Variants in MAD1L1 observed in about 807,000 individuals in gnomAD.
MAD1L1 encodes the protein mitotic arrest deficient 1 like 1.
In MAD1L1, 95 loss-of-function variants were observed where a neutral mutation model predicts 96.9. The observed-to-expected ratio is 0.98, with a 90% CI of 0.83 to 1.16. The LOEUF (loss-of-function observed/expected upper bound fraction) is 1.16. Ranked by LOEUF, MAD1L1 falls within the 50% of genes most tolerant of loss-of-function variation. The probability of loss-of-function intolerance (pLI) is 0.00; values close to 1 mark genes in which losing one functional copy is unlikely to be tolerated. For missense variants in MAD1L1, 1,007 were observed against 954.4 expected (o/e 1.06, Z -0.73); for synonymous variants, 473 against 396.6 (o/e 1.19, Z -2.29).
chr7:1,930,700 G>T (rs567011709), intron 17 of MAD1L1, among the ~76,000 whole-genome samples: 23 of 151,432 alleles, frequency 1.5e-4, no homozygotes, highest in African/African-American at 5.6e-4. Flanking sequence ...GCTGACCCCC[G>T]AGATGCTGGG....
intron 15 of MAD1L1, among the ~76,000 whole-genome samples, chr7:1,977,817 C>T (rs1296833969): frequency 5.9e-5 from 9 of 152,244 alleles, no homozygotes; most frequent in South Asian, 2.1e-4. Context: ...AGCCGTGCAG[C>T]GTGACGCAGG....
chr7:1,935,106 G>A (rs1301002002), intron 17 of MAD1L1, among the ~76,000 whole-genome samples: 1 of 152,254 alleles, frequency 6.6e-6, no homozygotes, highest in African/African-American at 2.4e-5. Context: ...CAAGGCACAG[G>A]CCCGTGACAG....
At chr7:1,940,965 C>T (rs1338044535) in intron 16 of MAD1L1, among the ~76,000 whole-genome samples, 1 of 58,304 alleles carries the variant, frequency 1.7e-5, no homozygotes, top group Non-Finnish European at 4.6e-5. Context: ...CCTCCCCCCG[C>T]AGGCCTCACC....
intron 10 of MAD1L1, among the ~76,000 whole-genome samples, chr7:2,190,717 G>C (rs948427760): frequency 6.6e-6 from 1 of 152,186 alleles, no homozygotes; most frequent in Non-Finnish European, 1.5e-5. Context: ...AACATCATTA[G>C]TCACCAGGGC....
intron 12 of MAD1L1, among the ~76,000 whole-genome samples, chr7:2,054,469 T>C (rs1289632584): frequency 6.6e-6 from 1 of 152,128 alleles, no homozygotes; most frequent in African/African-American, 2.4e-5. Context: ...CACAGCCAGG[T>C]CCAGCTCCCT....
chr7:2,168,283 A>C (rs1248512706), intron 10 of MAD1L1, among the ~76,000 whole-genome samples: 1 of 142,842 alleles, frequency 7.0e-6, no homozygotes, highest in East Asian at 1.9e-4. Flanking sequence ...AGACTGTCTA[A>C]AAAAAGAAAA....
chr7:1,989,691 G>A (rs993716121), intron 14 of MAD1L1, among the ~76,000 whole-genome samples: 18 of 151,884 alleles, frequency 1.2e-4, no homozygotes, highest in Admixed American at 3.9e-4. Context: ...CAGCCTCAGC[G>A]TGGACCAGCC....
intron 18 of MAD1L1, among the ~76,000 whole-genome samples, chr7:1,823,552 C>T (rs930064028): frequency 6.6e-6 from 1 of 152,172 alleles, no homozygotes; most frequent in African/African-American, 2.4e-5. Flanking sequence ...GTGACTGCAG[C>T]GTCTTAACCC....
intron 18 of MAD1L1, among the ~76,000 whole-genome samples, chr7:1,853,140 G>T (rs890641117): frequency 1.4e-4 from 21 of 152,218 alleles, no homozygotes; most frequent in Non-Finnish European, 2.9e-4. Flanking sequence ...AGACCCCAAG[G>T]ATGTACAGGA....
chr7:2,042,058 C>G (rs750642332), intron 12 of MAD1L1, among the ~76,000 whole-genome samples: 1 of 151,948 alleles, frequency 6.6e-6, no homozygotes, highest in Non-Finnish European at 1.5e-5. Context: ...CACAGACACA[C>G]AGATGCACGT....
chr7:2,184,928 G>A (rs1423394484), intron 10 of MAD1L1, among the ~76,000 whole-genome samples: 3 of 152,170 alleles, frequency 2.0e-5, no homozygotes, highest in African/African-American at 4.8e-5. Context: ...CTCGAACCCA[G>A]GAGGCGGAGG....
chr7:2,096,993 G>A (rs1786527123), intron 11 of MAD1L1, among the ~76,000 whole-genome samples: 1 of 152,188 alleles, frequency 6.6e-6, no homozygotes, highest in Admixed American at 6.5e-5. Context: ...GACCCTGCCA[G>A]GCACAGAAAG....
rs555028090 is a variant in MAD1L1 at position 1,942,267 on chromosome 7, GCC to G, written c.1597-5372_1597-5371del. ...TCAGCAAGTGGAGGGGACATTCCCGGCCCCTCCAGAAGGAGGCCACGCCTGAG... is the reference window on the plus strand; with the variant it reads ...TCAGCAAGTGGAGGGGACATTCCCGGCCTCCAGAAGGAGGCCACGCCTGAG... On this transcript the variant is annotated intron_variant, in intron 16 of 18. Transcript: ENST00000265854. Among the ~76,000 whole-genome samples, 954 of 152,258 alleles carry G rather than the reference GCC, an allele frequency of 6.3e-3. 3 individuals carry two copies. The highest frequency in any genetic ancestry group is 0.011 in the Non-Finnish European group (745 of 68,002).
At chr7:1,941,101 G>A (rs540377397) in intron 16 of MAD1L1, among the ~76,000 whole-genome samples, 12 of 142,464 alleles carry the variant, frequency 8.4e-5, no homozygotes, top group African/African-American at 2.1e-4. Context: ...GCAAGGCCTC[G>A]CCTGGCCCCA....
intron 18 of MAD1L1, among the ~76,000 whole-genome samples, chr7:1,891,511 C>G (rs1330198389): frequency 6.7e-6 from 1 of 150,266 alleles, no homozygotes; most frequent in Non-Finnish European, 1.5e-5. Flanking sequence ...GGTGACAGAA[C>G]AAGACTCTGT....
intron 14 of MAD1L1, among the ~76,000 whole-genome samples, chr7:1,984,623 C>T (rs781745804): frequency 2.0e-5 from 3 of 152,194 alleles, no homozygotes; most frequent in East Asian, 1.9e-4. Flanking sequence ...TGTTTCTGAG[C>T]GGCTTCTGGC....
intron 13 of MAD1L1, among the ~76,000 whole-genome samples, chr7:2,004,678 G>A (rs143766662): frequency 3.9e-5 from 6 of 152,334 alleles, no homozygotes; most frequent in Non-Finnish European, 1.5e-5. Flanking sequence ...AGCCTCCGGC[G>A]CCACGCGGGC....
chr7:1,945,611 A>G (rs1242203667), intron 16 of MAD1L1, among the ~76,000 whole-genome samples: 5 of 152,224 alleles, frequency 3.3e-5, no homozygotes, highest in African/African-American at 4.8e-5. Context: ...GGGTGAGGGC[A>G]GCGGCCATCT....
At chr7:1,964,411 C>T (rs1183054514) in intron 15 of MAD1L1, among the ~76,000 whole-genome samples, 2 of 152,250 alleles carry the variant, frequency 1.3e-5, no homozygotes, top group African/African-American at 4.8e-5. Flanking sequence ...CGCCAGACAG[C>T]AAGCCCACAT....
Sources: gnomAD v4.1 joint callset for allele counts (sites outside exome capture counted in the v4.1 genomes callset) on GRCh38, gnomAD v4.1.1 for gene constraint, MANE v1.5 for transcripts, NCBI Gene and HGNC (gene_info 2026-07-23, HGNC 2026-07-21) for gene names.